Variants in NRP1 observed in about 807,000 individuals in gnomAD.
The protein encoded by NRP1 is neuropilin-1.
A neutral mutation model predicts 106.7 loss-of-function variants in NRP1; 35 were observed. The observed-to-expected ratio is 0.33, with a 90% CI of 0.25 to 0.43. The LOEUF is 0.43. Among genes scored for constraint, NRP1 ranks in the 20% least tolerant of loss-of-function variants. The pLI is 1.00. For synonymous variants in NRP1, 437 were observed against 417.9 expected, an observed-to-expected ratio of 1.05 and a Z score of -0.56; for missense variants, 1,024 against 1,170.4, an observed-to-expected ratio of 0.87 and a Z score of 1.83.
intron 6 of NRP1, chr10:33,249,519 C>T (rs1841692317): frequency 1.9e-6 from 1 of 531,026 alleles, no homozygotes; most frequent in African/African-American, 1.9e-5. Context: ...TTTGATCGCA[C>T]CACTGATACA....
intron 2 of NRP1, among the ~76,000 whole-genome samples, chr10:33,298,225 G>A (rs1354082714): frequency 6.6e-6 from 1 of 152,160 alleles, no homozygotes; most frequent in Admixed American, 6.5e-5. Flanking sequence ...TGGGTGACTA[G>A]TGACTCCCTG....
chr10:33,215,909 G>A (rs11594083), intron 8 of NRP1, among the ~76,000 whole-genome samples: 42,668 of 151,990 alleles, frequency 0.28, 6,432 homozygotes, highest in East Asian at 0.62. Flanking sequence ...GTGCCAATTG[G>A]CATGAAGAAC....
chr10:33,301,767 T>C (rs1003259754), intron 2 of NRP1, among the ~76,000 whole-genome samples: 1 of 152,064 alleles, frequency 6.6e-6, no homozygotes, highest in Non-Finnish European at 1.5e-5. Flanking sequence ...TGGAGAAAAA[T>C]TGTTCCTTTC....
At position 33,203,843 on chromosome 10, in the gene NRP1, C is replaced by T. The variant is rs1280407552; in HGVS notation, c.1760-848G>A. 1.5e-4 allele frequency among the ~76,000 whole-genome samples: 17 copies of T among 114,202 alleles called. 1 individual carries two copies. The highest frequency in any genetic ancestry group is 2.1e-4 in the Admixed American group (2 of 9,390). 74.9% of individuals were successfully genotyped at this position (114,202 alleles called of 152,430 possible). On this transcript the variant is annotated intron_variant, in intron 10 of 16. Transcript: ENST00000374867. ...GCAAGCTCTGCTTCCCGGGTTCACG[C>T]CATTCTCCTGCCTCAGCCTCCCGAG...
At chr10:33,185,495 C>T (rs1230160429) in intron 15 of NRP1, 133 bp downstream of exon 15, 11 of 644,148 alleles carry the variant, frequency 1.7e-5, no homozygotes, top group Middle Eastern at 2.9e-4. Context: ...CACCAGAATA[C>T]GCATTTCCTA....
chr10:33,270,664 T>G lies in NRP1; in HGVS notation c.430+11A>C. 3.7e-6 allele frequency: 6 copies of G among 1,605,320 alleles called. No homozygotes were observed. The highest frequency in any genetic ancestry group is 5.1e-6 in the Non-Finnish European group (6 of 1,175,568). On this transcript the variant is annotated intron_variant, in intron 3 of 16. Transcript: ENST00000374867. The stretch of plus-strand genomic sequence containing the variant: ...TAGTCATTCTTGTTCTACCGTAAGC[T>G]GTTCACTCACCTCTCTTGAAAATTT...
chr10:33,250,266 G>C (rs1332794688), intron 6 of NRP1, among the ~76,000 whole-genome samples: 1 of 152,056 alleles, frequency 6.6e-6, no homozygotes, highest in Admixed American at 6.6e-5. Context: ...CCACTTCCAA[G>C]GAGTTTCAGA....
At position 33,226,336 on chromosome 10, in the gene NRP1, A is replaced by G. The variant is rs2132942693; in HGVS notation, c.982-47T>C. 3.8e-6 allele frequency: 6 copies of G among 1,596,878 alleles called. No homozygotes were observed. In the South Asian group the frequency reaches 5.6e-5, roughly 15 times the overall value. ...GGTCAGTGCACCATCCCTGCAGCAC[A>G]GTAACCCAAAGCATCTTTTCCTGTG... On this transcript the variant is annotated intron_variant, in intron 6 of 16. Transcript: ENST00000374867.
chr10:33,215,359 C>T (rs1838673183), intron 8 of NRP1, among the ~76,000 whole-genome samples: 1 of 152,162 alleles, frequency 6.6e-6, no homozygotes, highest in Non-Finnish European at 1.5e-5. Flanking sequence ...CTCTCTAAGG[C>T]TTTAAGATTG....
chr10:33,185,528 G>A (rs1018604973), intron 15 of NRP1, 100 bp downstream of exon 15: 13 of 887,184 alleles, frequency 1.5e-5, no homozygotes, highest in Admixed American at 4.6e-5. Flanking sequence ...AGGCCACACC[G>A]AAATTCTAGG....
chr10:33,277,501 C>T (rs908400805), intron 2 of NRP1, among the ~76,000 whole-genome samples: 39 of 152,240 alleles, frequency 2.6e-4, no homozygotes, highest in Non-Finnish European at 2.5e-4. Flanking sequence ...CTGCCACCAG[C>T]GCTGCCACCA....
intron 2 of NRP1, among the ~76,000 whole-genome samples, chr10:33,300,249 G>T (rs1845708514): frequency 6.6e-6 from 1 of 152,084 alleles, no homozygotes; most frequent in African/African-American, 2.4e-5. Context: ...TATTTTCATT[G>T]GTCTTCTAAC....
At chr10:33,202,824 G>A (rs375808149) in intron 11 of NRP1, 67 bp downstream of exon 11, 39 of 1,613,692 alleles carry the variant, frequency 2.4e-5, no homozygotes, top group Admixed American at 5.0e-5. Context: ...ACACACAGGC[G>A]TTAGCTGGTC....
chr10:33,319,585 TTTC>T (rs1242505565), intron 2 of NRP1, among the ~76,000 whole-genome samples: 67 of 133,192 alleles, frequency 5.0e-4, no homozygotes, highest in African/African-American at 1.8e-3. Context: ...TCTTTCTTTC[TTTC>T]TTTTTTTTTT....
intron 8 of NRP1, among the ~76,000 whole-genome samples, chr10:33,216,779 CT>C (rs1200822319): frequency 1.3e-5 from 2 of 152,152 alleles, no homozygotes; most frequent in African/African-American, 4.8e-5. Context: ...CTTTGGAATG[CT>C]GCTTTCTGCC....
chr10:33,239,259 G>T (rs976675662), intron 6 of NRP1, among the ~76,000 whole-genome samples: 3 of 151,652 alleles, frequency 2.0e-5, no homozygotes, highest in Non-Finnish European at 1.5e-5. Flanking sequence ...CTGCACTCCA[G>T]CCTGGGCAAC....
intron 1 of NRP1, among the ~76,000 whole-genome samples, chr10:33,332,962 A>T (rs1398966174): frequency 6.6e-6 from 1 of 152,042 alleles, no homozygotes; most frequent in African/African-American, 2.4e-5. Flanking sequence ...TGAGCTTCAA[A>T]TCTATCTTGT....
At position 33,180,381 on chromosome 10, in the gene NRP1, A is replaced by G; in HGVS notation, c.2483-16T>C. 1.3e-6 allele frequency: 2 copies of G among 1,563,014 alleles called. No individual in the cohort carries two copies. The highest frequency in any genetic ancestry group is 1.4e-5 in the African/African-American group (1 of 73,236). ...GGCGTGCTCCCTATGGAAAAAAACA[A>G]TATTGTCTCCGTGAGCACCGCCAAC... is the stretch of plus-strand genomic sequence containing the variant. On this transcript the variant is annotated splice_polypyrimidine_tract_variant and intron_variant, in intron 16 of 16. Transcript: ENST00000374867.
intron 2 of NRP1, among the ~76,000 whole-genome samples, chr10:33,317,517 A>G (rs904469094): frequency 6.6e-6 from 1 of 152,184 alleles, no homozygotes; most frequent in Non-Finnish European, 1.5e-5. Context: ...AATCCATATC[A>G]TTTTCTCTTT....
Sources: allele counts gnomAD v4.1 joint callset (sites outside exome capture counted in the v4.1 genomes callset), GRCh38; gene constraint gnomAD v4.1.1; transcripts MANE v1.5; gene names NCBI Gene and HGNC (gene_info 2026-07-23, HGNC 2026-07-21).